AK5: variants seen among roughly 807,000 people sequenced by gnomAD.
The protein encoded by AK5 is adenylate kinase isoenzyme 5.
AK5 carries 27 observed loss-of-function variants against 69.5 expected under a neutral mutation model. That is an observed-to-expected ratio of 0.39 (90% confidence interval 0.29 to 0.54). The LOEUF is 0.54. Ranked by LOEUF, AK5 falls within the 20% of genes least tolerant of loss-of-function variation. The probability of loss-of-function intolerance (pLI) is 0.71; values close to 1 mark genes in which losing one functional copy is unlikely to be tolerated. For missense variants in AK5, 531 were observed against 700.4 expected (o/e 0.76, Z 2.73); for synonymous variants, 260 against 244.4 (o/e 1.06, Z -0.60).
chr1:77,509,345 C>G (rs1237271650), intron 10 of AK5, among the ~76,000 whole-genome samples: 4 of 152,188 alleles, frequency 2.6e-5, no homozygotes, highest in Admixed American at 6.5e-5. Flanking sequence ...AAGATGTTGT[C>G]TTTGAGGATA....
At chr1:77,456,283 T>C (rs1653480360) in intron 8 of AK5, among the ~76,000 whole-genome samples, 1 of 152,240 alleles carries the variant, frequency 6.6e-6, no homozygotes, top group Non-Finnish European at 1.5e-5. Flanking sequence ...ATCTTTGTTT[T>C]TCCACCTGCT....
intron 8 of AK5, among the ~76,000 whole-genome samples, chr1:77,456,863 T>C (rs1421532894): frequency 6.6e-6 from 1 of 151,844 alleles, no homozygotes; most frequent in Non-Finnish European, 1.5e-5. Context: ...TGGGGTCTGT[T>C]GTCTTCCTCT....
chr1:77,344,028 C>T (rs1320122323), intron 6 of AK5, among the ~76,000 whole-genome samples: 1 of 152,110 alleles, frequency 6.6e-6, no homozygotes, highest in Admixed American at 6.5e-5. Flanking sequence ...CTATATTGTC[C>T]GTGTAATCAA....
chr1:77,534,269 G>A (rs1015262632), intron 12 of AK5, among the ~76,000 whole-genome samples: 7 of 152,166 alleles, frequency 4.6e-5, no homozygotes, highest in African/African-American at 1.4e-4. Flanking sequence ...CTCTGATCCA[G>A]GGTTGGAGGA....
At chr1:77,425,837 G>A (rs1296257740) in intron 8 of AK5, among the ~76,000 whole-genome samples, 1 of 152,114 alleles carries the variant, frequency 6.6e-6, no homozygotes, top group Non-Finnish European at 1.5e-5. Context: ...CAGAAAGGAG[G>A]AATTAGGAAT....
chr1:77,423,917 A>G (rs967412078), intron 8 of AK5, among the ~76,000 whole-genome samples: 3 of 152,176 alleles, frequency 2.0e-5, no homozygotes, highest in African/African-American at 7.2e-5. Context: ...AGGGCATAAC[A>G]TTCCTAGAGC....
intron 8 of AK5, among the ~76,000 whole-genome samples, chr1:77,426,873 T>G (rs1651243242): frequency 6.6e-6 from 1 of 152,148 alleles, no homozygotes; most frequent in Non-Finnish European, 1.5e-5. Context: ...AACAGCACAT[T>G]TCTAAATAAC....
At position 77,417,766 on chromosome 1, in the gene AK5, C is replaced by A. The variant is rs912088414; in HGVS notation, c.1059+51C>A. 4 of 1,145,482 alleles carry A rather than the reference C, an allele frequency of 3.5e-6. No individual in the cohort carries two copies. In the East Asian group the frequency reaches 7.2e-5, roughly 21 times the overall value. The allele number at this position is 1,145,482 out of a possible 1,614,324, so 71.0% of individuals were successfully genotyped here. ...CTATTTAAATGTTTTTAAGTTGAAC[C>A]TTTGTAAATGTTTTATGAAAATTTG... On this transcript the variant is annotated intron_variant, in intron 8 of 13. Coordinates refer to ENST00000354567, the MANE Select transcript of AK5 (RefSeq NM_174858.3).
At chr1:77,499,701 G>A (rs1195699049) in intron 10 of AK5, among the ~76,000 whole-genome samples, 1 of 152,070 alleles carries the variant, frequency 6.6e-6, no homozygotes, top group Admixed American at 6.5e-5. Context: ...GAGAAAGGAA[G>A]AGAATGTTCA....
chr1:77,384,105 C>T (rs112529927), intron 6 of AK5, among the ~76,000 whole-genome samples: 7 of 151,850 alleles, frequency 4.6e-5, no homozygotes, highest in East Asian at 1.9e-4. Context: ...CAGATGGGCA[C>T]GAACAGACAT....
chr1:77,463,883 C>T (rs1653987289), intron 8 of AK5, among the ~76,000 whole-genome samples: 1 of 152,180 alleles, frequency 6.6e-6, no homozygotes, highest in African/African-American at 2.4e-5. Context: ...ATCCAATCAC[C>T]TGTGGTCAGG....
At chr1:77,471,128 C>T (rs553137254) in intron 8 of AK5, among the ~76,000 whole-genome samples, 5 of 151,496 alleles carry the variant, frequency 3.3e-5, no homozygotes, top group South Asian at 2.1e-4. Flanking sequence ...GTGATCCACC[C>T]GCCTCAGCCT....
intron 5 of AK5, among the ~76,000 whole-genome samples, chr1:77,308,497 G>A (rs1459613278): frequency 6.6e-6 from 1 of 150,726 alleles, no homozygotes; most frequent in Admixed American, 6.6e-5. Context: ...TTAAAGGTTA[G>A]TGAGGGGAAA....
intron 6 of AK5, among the ~76,000 whole-genome samples, chr1:77,386,176 C>T (rs1001154801): frequency 6.6e-6 from 1 of 151,950 alleles, no homozygotes; most frequent in Non-Finnish European, 1.5e-5. Flanking sequence ...TTCTTTGAGC[C>T]CTTAGTAAAT....
chr1:77,367,165 G>GGGTT (rs1261129107), intron 6 of AK5, among the ~76,000 whole-genome samples: 2 of 151,782 alleles, frequency 1.3e-5, no homozygotes, highest in Non-Finnish European at 2.9e-5. Context: ...TATAGTATAT[G>GGGTT]GGTTGAGTAT....
intron 3 of AK5, among the ~76,000 whole-genome samples, chr1:77,295,811 T>C (rs1658972005): frequency 1.3e-5 from 2 of 152,162 alleles, no homozygotes; most frequent in Non-Finnish European, 1.5e-5. Flanking sequence ...ATTTTTTGTG[T>C]GTACTATGAA....
At position 77,385,902 on chromosome 1, in the gene AK5, A is replaced by T. The variant is rs144701588; in HGVS notation, c.892-25079A>T. Among the ~76,000 whole-genome samples, 736 of 152,354 alleles carry T rather than the reference A, an allele frequency of 4.8e-3. 4 individuals carry two copies. Among genetic ancestry groups the T allele is most frequent in the African/African-American group, 0.017 (704 of 41,572 alleles). The stretch of plus-strand genomic sequence containing the variant: ...TAAAACTGAGAAATCAAGAAATAGC[A>T]GTCAAATATATTGTTTATAATGGCA... On this transcript the variant is annotated intron_variant, in intron 6 of 13. Transcript: ENST00000354567.
intron 6 of AK5, among the ~76,000 whole-genome samples, chr1:77,391,495 G>GTGTGTGTATA (rs1425180466): frequency 3.5e-3 from 221 of 63,350 alleles, no homozygotes; most frequent in Non-Finnish European, 5.7e-3. Flanking sequence ...GTGTGTGTGT[G>GTGTGTGTATA]TATATATATA....
intron 12 of AK5, among the ~76,000 whole-genome samples, chr1:77,530,326 G>A (rs1271860615): frequency 6.6e-5 from 10 of 152,230 alleles, no homozygotes; most frequent in Admixed American, 6.5e-4. Context: ...TTAGGGTTGT[G>A]TATTCAGGAA....
Sources: gnomAD v4.1 joint callset for allele counts (sites outside exome capture counted in the v4.1 genomes callset) on GRCh38, gnomAD v4.1.1 for gene constraint, MANE v1.5 for transcripts, NCBI Gene and HGNC (gene_info 2026-07-23, HGNC 2026-07-21) for gene names.